Variants in NKAIN1 observed in about 807,000 individuals in gnomAD.
NKAIN1 encodes sodium/potassium transporting ATPase interacting 1, also known as sodium/potassium-transporting ATPase subunit beta-1-interacting protein 1.
Under a neutral mutation model 31.6 loss-of-function variants are expected in NKAIN1, and 13 were observed. The ratio of observed to expected loss-of-function variants is 0.41; its 90% CI spans 0.27 to 0.65. The LOEUF (loss-of-function observed/expected upper bound fraction) is 0.65, where lower values mean the gene tolerates loss of function less well. Ranked by LOEUF, NKAIN1 falls within the 30% of genes least tolerant of loss-of-function variation. The probability of loss-of-function intolerance (pLI) is 0.30; values close to 1 mark genes in which losing one functional copy is unlikely to be tolerated. For missense variants in NKAIN1, 193 were observed against 262.2 expected (o/e 0.74, Z 1.82); for synonymous variants, 104 against 109.0 (o/e 0.95, Z 0.28).
intron 1 of NKAIN1, among the ~76,000 whole-genome samples, chr1:31,203,218 T>C (rs535102833): frequency 2.6e-5 from 4 of 151,618 alleles, no homozygotes; most frequent in South Asian, 2.1e-4. Flanking sequence ...TAAGCCGAGA[T>C]TGCGCCACTG....
Position 31,239,384 on chromosome 1 carries a change from A to T in NKAIN1, c.54+110T>A. 1.3e-6 allele frequency: 1 copy of T among 757,410 alleles called. No individual in the cohort carries two copies. The highest frequency in any genetic ancestry group is 1.9e-6 in the Non-Finnish European group (1 of 540,282). The allele number at this position is 757,410 out of a possible 1,614,324, so 46.9% of individuals were successfully genotyped here. On this transcript the variant is annotated intron_variant, in intron 1 of 6. Transcript: ENST00000373736. This position sits in a 1 kb window ranked among gnomAD's most constrained non-coding sequence, Gnocchi z 4.8. ...ACTCCAGACCACCCCCCGCCCGGGC[A>T]CACGCACCAGACACACACACAGAGA...
Position 31,181,940 on chromosome 1 carries a change from A to G in NKAIN1, c.534T>C (p.Phe178=). ...AGGAGTCAAAGCCGCCGATGAAGTCAACTGCGGAAGAGGGGCGGCGCATGT... is the reference window on the plus strand; with the variant it reads ...AGGAGTCAAAGCCGCCGATGAAGTCGACTGCGGAAGAGGGGCGGCGCATGT... ...SKVFLEEEDS[F]DFIGGFDSYG... The change falls in exon 6 of 7, where the codon TTT becomes TTC. Residue 178 remains phenylalanine (F), a splice_region_variant and synonymous_variant. Transcript: ENST00000373736. 1 of 1,606,560 alleles carries G rather than the reference A, an allele frequency of 6.2e-7. No homozygotes were observed. Among genetic ancestry groups the G allele is most frequent in the Non-Finnish European group, 8.5e-7 (1 of 1,177,146 alleles).
chr1:31,224,066 T>C (rs1645583768), intron 1 of NKAIN1, among the ~76,000 whole-genome samples: 1 of 152,190 alleles, frequency 6.6e-6, no homozygotes. Flanking sequence ...CCTCCAGGGA[T>C]GAGGCATCTC....
chr1:31,185,984 T>C (rs1645238909), intron 2 of NKAIN1, among the ~76,000 whole-genome samples: 2 of 151,430 alleles, frequency 1.3e-5, no homozygotes. Flanking sequence ...TCCTAGCACT[T>C]TGGGAGGCTG....
intron 1 of NKAIN1, among the ~76,000 whole-genome samples, chr1:31,209,932 A>G (rs1645454562): frequency 6.7e-6 from 1 of 150,362 alleles, no homozygotes; most frequent in Non-Finnish European, 1.5e-5. Flanking sequence ...GGCTGCAGTG[A>G]GCTATTGTTG....
At chr1:31,186,577 G>A (rs1482325451) in intron 2 of NKAIN1, among the ~76,000 whole-genome samples, 14 of 151,962 alleles carry the variant, frequency 9.2e-5, no homozygotes, top group Non-Finnish European at 1.9e-4. Flanking sequence ...GGGAACCAGG[G>A]CAGGTGGAGG....
chr1:31,208,129 T>C (rs1387642268), intron 1 of NKAIN1, among the ~76,000 whole-genome samples: 1 of 152,120 alleles, frequency 6.6e-6, no homozygotes, highest in Non-Finnish European at 1.5e-5. Context: ...CTGAGATGTG[T>C]TCTGTTCAAA....
intron 1 of NKAIN1, among the ~76,000 whole-genome samples, chr1:31,220,414 C>T (rs1645554660): frequency 1.3e-5 from 2 of 152,042 alleles, no homozygotes; most frequent in Admixed American, 6.6e-5. Context: ...TGGGCAGGGA[C>T]ATTGCCTCCC....
At chr1:31,213,716 T>A (rs1645488111) in intron 1 of NKAIN1, among the ~76,000 whole-genome samples, 1 of 152,158 alleles carries the variant, frequency 6.6e-6, no homozygotes, top group South Asian at 2.1e-4. Context: ...CAACACAAGT[T>A]GGGTGCAGTG....
intron 1 of NKAIN1, among the ~76,000 whole-genome samples, chr1:31,213,410 T>C (rs1037645401): frequency 3.6e-5 from 5 of 140,044 alleles, no homozygotes; most frequent in Admixed American, 2.2e-4. Context: ...GTGGCTCTAA[T>C]AAAAAAGGCA....
At chr1:31,224,443 A>G (rs796083082) in intron 1 of NKAIN1, among the ~76,000 whole-genome samples, 11 of 152,278 alleles carry the variant, frequency 7.2e-5, no homozygotes, top group African/African-American at 2.6e-4. Context: ...CCACATCCCA[A>G]TCAAGCCATC....
intron 1 of NKAIN1, among the ~76,000 whole-genome samples, chr1:31,237,387 C>T (rs1645700297): frequency 6.6e-6 from 1 of 152,164 alleles, no homozygotes; most frequent in African/African-American, 2.4e-5. Flanking sequence ...GTACCTGACA[C>T]TTAGTCAAGG....
chr1:31,212,513 T>C (rs1391881502), intron 1 of NKAIN1, among the ~76,000 whole-genome samples: 1 of 151,518 alleles, frequency 6.6e-6, no homozygotes, highest in Non-Finnish European at 1.5e-5. Context: ...CAAGTGATCC[T>C]CCCACCTCAG....
intron 1 of NKAIN1, among the ~76,000 whole-genome samples, chr1:31,195,628 GA>G (rs1013841891): frequency 2.0e-5 from 3 of 150,508 alleles, no homozygotes; most frequent in Non-Finnish European, 3.0e-5. Flanking sequence ...ATTAAAAAAA[GA>G]AAAAAAAAGT....
At chr1:31,238,809 G>A (rs1645710792) in intron 1 of NKAIN1, among the ~76,000 whole-genome samples, 1 of 152,158 alleles carries the variant, frequency 6.6e-6, no homozygotes, top group Non-Finnish European at 1.5e-5. Context: ...GGGTCAGGCT[G>A]GCCCAGGATC....
Position 31,239,119 on chromosome 1 carries a change from G to A in NKAIN1, c.54+375C>T, listed in dbSNP as rs930656414. On this transcript the variant is annotated intron_variant, in intron 1 of 6. Transcript: ENST00000373736. This position sits in a 1 kb window ranked among gnomAD's most constrained non-coding sequence, Gnocchi z 4.8. ...CCCATGCAAACGAGGGATCTAGAGGGAAACACACAGCAGGACCTCAACGGA... is the reference window on the plus strand; with the variant it reads ...CCCATGCAAACGAGGGATCTAGAGGAAAACACACAGCAGGACCTCAACGGA... Among the ~76,000 whole-genome samples the A allele has an allele frequency of 6.6e-6, 1 of 152,062 alleles. No individual in the cohort carries two copies. Among genetic ancestry groups the A allele is most frequent in the African/African-American group, 2.4e-5 (1 of 41,400 alleles).
intron 1 of NKAIN1, among the ~76,000 whole-genome samples, chr1:31,202,587 G>T (rs1376696331): frequency 6.7e-6 from 1 of 150,030 alleles, no homozygotes; most frequent in Non-Finnish European, 1.5e-5. Context: ...TGAGGCAGGA[G>T]AATGGTGTGA....
At chr1:31,197,922 T>C (rs1645343970) in intron 1 of NKAIN1, among the ~76,000 whole-genome samples, 1 of 152,138 alleles carries the variant, frequency 6.6e-6, no homozygotes, top group South Asian at 2.1e-4. Context: ...AGTGGTGTGA[T>C]CGCGGCTCAC....
At position 31,183,788 on chromosome 1, in the gene NKAIN1, T is replaced by A. The variant is rs773617507; in HGVS notation, c.471+29A>T. On this transcript the variant is annotated intron_variant, in intron 4 of 6. Transcript: ENST00000373736. ...AGCTAAAGAAAGGGATCGGGAAGTG[T>A]GTGTAGGGTGGGGGACAGAAGGACT... 1.9e-6 allele frequency: 3 copies of A among 1,590,438 alleles called. No individual in the cohort carries two copies. The Admixed American group carries it at 5.1e-5, about 27-fold the overall frequency.
Sources: allele counts gnomAD v4.1 joint callset (sites outside exome capture counted in the v4.1 genomes callset), GRCh38; gene constraint gnomAD v4.1.1; non-coding constraint Gnocchi (gnomAD v3.1); transcripts MANE v1.5; gene names NCBI Gene and HGNC (gene_info 2026-07-23, HGNC 2026-07-21).